NDRG3: variants seen among roughly 807,000 people sequenced by gnomAD.
NDRG3 encodes NDRG family member 3.
A neutral mutation model predicts 57.2 loss-of-function variants in NDRG3; 23 were observed. The observed-to-expected ratio is 0.40, with a 90% CI of 0.29 to 0.57. The LOEUF is 0.57. Ranked by LOEUF, NDRG3 falls within the 20% of genes least tolerant of loss-of-function variation. The pLI is 0.42. For missense variants in NDRG3, 384 were observed against 457.3 expected, an observed-to-expected ratio of 0.84 and a Z score of 1.46; for synonymous variants, 132 against 162.6, an observed-to-expected ratio of 0.81 and a Z score of 1.43.
At chr20:36,730,488 C>T (rs1385381068) in intron 1 of NDRG3, among the ~76,000 whole-genome samples, 4 of 151,808 alleles carry the variant, frequency 2.6e-5, no homozygotes, top group African/African-American at 9.7e-5. Flanking sequence ...TTTTTAAAGA[C>T]TCAGCAGGTC....
intron 3 of NDRG3, among the ~76,000 whole-genome samples, chr20:36,706,218 A>G (rs1983540004): frequency 6.6e-6 from 1 of 152,232 alleles, no homozygotes; most frequent in South Asian, 2.1e-4. Context: ...ATTTCCAAAC[A>G]TAAACCCAAG....
intron 3 of NDRG3, among the ~76,000 whole-genome samples, chr20:36,696,999 T>TA (rs1188995874): frequency 6.6e-6 from 1 of 152,166 alleles, no homozygotes; most frequent in Non-Finnish European, 1.5e-5. Context: ...GTAGAACACT[T>TA]AGACACCTTC....
intron 1 of NDRG3, among the ~76,000 whole-genome samples, chr20:36,725,413 GACA>G (rs1417891866): frequency 6.6e-6 from 1 of 151,968 alleles, no homozygotes; most frequent in Admixed American, 6.6e-5. Context: ...GACCAGTCTG[GACA>G]ACATGGTGAA....
chr20:36,739,928 A>AC (rs1219664517), intron 1 of NDRG3, among the ~76,000 whole-genome samples: 4 of 151,182 alleles, frequency 2.6e-5, no homozygotes, highest in African/African-American at 7.3e-5. Context: ...AAAAAAAAAA[A>AC]AAAACCGTAA....
intron 2 of NDRG3, among the ~76,000 whole-genome samples, chr20:36,707,807 A>G (rs2148170403): frequency 6.6e-6 from 1 of 152,132 alleles, no homozygotes; most frequent in Non-Finnish European, 1.5e-5. Flanking sequence ...AAAGGGGCCG[A>G]GTGTGGTGGC....
At position 36,739,147 on chromosome 20, in the gene NDRG3, A is replaced by T. The variant is rs1175257958; in HGVS notation, c.-49+6898T>A. 2.1e-4 allele frequency among the ~76,000 whole-genome samples: 29 copies of T among 137,026 alleles called. 1 individual carries two copies. Among genetic ancestry groups the T allele is most frequent in the African/African-American group, 3.0e-4 (11 of 36,862 alleles). 89.9% of individuals were successfully genotyped at this position (137,026 alleles called of 152,430 possible). Reference sequence around the variant, plus strand: ...GAGACCCCATCTCAAAAAAAAAAAAAAAAAAAAAAAAAAAAAAAAGGCCAG... The same window carrying T: ...GAGACCCCATCTCAAAAAAAAAAAATAAAAAAAAAAAAAAAAAAAGGCCAG... On this transcript the variant is annotated intron_variant, in intron 1 of 15. Coordinates refer to ENST00000349004, the MANE Select transcript of NDRG3 (RefSeq NM_032013.4).
At chr20:36,670,280 A>G (rs556581964) in intron 9 of NDRG3, among the ~76,000 whole-genome samples, 4 of 152,350 alleles carry the variant, frequency 2.6e-5, no homozygotes, top group South Asian at 2.1e-4. Context: ...TATTACCTCA[A>G]TTAAAGAGAG....
At chr20:36,666,064 G>A (rs1215052765) in intron 10 of NDRG3, among the ~76,000 whole-genome samples, 1 of 152,104 alleles carries the variant, frequency 6.6e-6, no homozygotes, top group African/African-American at 2.4e-5. Flanking sequence ...AAAGAGACAA[G>A]GTTCAAAATC....
chr20:36,715,995 G>A (rs1481023506), intron 2 of NDRG3, among the ~76,000 whole-genome samples: 1 of 152,128 alleles, frequency 6.6e-6, no homozygotes, highest in Non-Finnish European at 1.5e-5. Context: ...GAGCTACTCA[G>A]GAGGCTGAGG....
At chr20:36,739,134 C>CAAAAAAA (rs57208101) in intron 1 of NDRG3, among the ~76,000 whole-genome samples, 1 of 87,316 alleles carries the variant, frequency 1.1e-5, no homozygotes, top group African/African-American at 5.6e-5. Flanking sequence ...GACCCCATCT[C>CAAAAAAA]AAAAAAAAAA....
intron 7 of NDRG3, among the ~76,000 whole-genome samples, chr20:36,681,635 CA>C (rs1208145183): frequency 0.028 from 2,247 of 79,506 alleles, 25 homozygotes; most frequent in African/African-American, 0.053. Flanking sequence ...GACTTCATCT[CA>C]AAAAAAAAAA....
intron 1 of NDRG3, among the ~76,000 whole-genome samples, chr20:36,742,811 C>T (rs1181058526): frequency 3.3e-5 from 5 of 152,108 alleles, no homozygotes; most frequent in African/African-American, 1.2e-4. Flanking sequence ...CCATATCAGG[C>T]GCCATACATC....
At chr20:36,663,837 C>G (rs1979400950) in intron 12 of NDRG3, among the ~76,000 whole-genome samples, 1 of 152,174 alleles carries the variant, frequency 6.6e-6, no homozygotes, top group South Asian at 2.1e-4. Flanking sequence ...GAGACAGAGT[C>G]TTTCTCTGTC....
chr20:36,659,828 T>C (rs947629255), intron 13 of NDRG3, among the ~76,000 whole-genome samples: 12 of 151,564 alleles, frequency 7.9e-5, no homozygotes, highest in South Asian at 2.1e-4. Flanking sequence ...CTCAAATTCC[T>C]GACCTCGTGA....
rs190220158 is a variant in NDRG3, at chr20:36,707,256, C to G, written c.58-249G>C. ...AGATAAAGGAAAGGGGCCTAGTTTT[C>G]TAGCAAGCTTGTAACTTCTTGCCTT... On this transcript the variant is annotated intron_variant, in intron 2 of 15. Transcript: ENST00000349004. Among the ~76,000 whole-genome samples, 207 of 152,308 alleles carry G rather than the reference C, an allele frequency of 1.4e-3. 1 individual carries two copies. The highest frequency in any genetic ancestry group is 4.9e-3 in the African/African-American group (204 of 41,568).
At chr20:36,700,263 A>C (rs531975107) in intron 3 of NDRG3, among the ~76,000 whole-genome samples, 27 of 152,162 alleles carry the variant, frequency 1.8e-4, no homozygotes, top group Non-Finnish European at 3.1e-4. Flanking sequence ...ACCATGCCAT[A>C]ATATGCCCTC....
intron 2 of NDRG3, among the ~76,000 whole-genome samples, chr20:36,719,445 GC>G (rs1984463064): frequency 7.0e-6 from 1 of 143,054 alleles, no homozygotes; most frequent in Non-Finnish European, 1.5e-5. Flanking sequence ...AAAAAAAAAA[GC>G]CTGCAGCTTG....
At chr20:36,690,365 C>G (rs1277523931) in intron 3 of NDRG3, among the ~76,000 whole-genome samples, 1 of 150,684 alleles carries the variant, frequency 6.6e-6, no homozygotes, top group Non-Finnish European at 1.5e-5. Flanking sequence ...CCCAATAGAG[C>G]AGACAAAAGA....
intron 13 of NDRG3, among the ~76,000 whole-genome samples, chr20:36,657,600 C>T (rs771582845): frequency 4.6e-5 from 7 of 152,130 alleles, no homozygotes; most frequent in Non-Finnish European, 8.8e-5. Context: ...CTCTTTCTTC[C>T]AGCTGTTACA....
Sources: allele counts gnomAD v4.1 joint callset (sites outside exome capture counted in the v4.1 genomes callset), GRCh38; gene constraint gnomAD v4.1.1; transcripts MANE v1.5; gene names NCBI Gene and HGNC (gene_info 2026-07-23, HGNC 2026-07-21).